FSHR: variants seen among roughly 807,000 people sequenced by gnomAD.
FSHR encodes the protein follicle-stimulating hormone receptor.
Under a neutral mutation model 52.1 loss-of-function variants are expected in FSHR, and 46 were observed. The ratio of observed to expected loss-of-function variants is 0.88; its 90% CI spans 0.70 to 1.13. The LOEUF is 1.13. Among genes scored for constraint, FSHR ranks in the 50% most tolerant of loss-of-function variants. FSHR has a pLI of 0.00. For missense variants in FSHR, 964 were observed against 834.6 expected, an observed-to-expected ratio of 1.16 and a Z score of -1.91; for synonymous variants, 399 against 309.6, an observed-to-expected ratio of 1.29 and a Z score of -3.03.
chr2:49,069,383 T>C (rs578222845), intron 1 of FSHR, among the ~76,000 whole-genome samples: 1 of 152,284 alleles, frequency 6.6e-6, no homozygotes, highest in South Asian at 2.1e-4. Flanking sequence ...ATGTTACCAT[T>C]TCAGTGAAGC....
At chr2:48,968,918 T>TGAGGGGAGGAGCC in intron 8 of FSHR, 35 bp from the exon 9 acceptor site, 1 of 1,595,532 alleles carries the variant, frequency 6.3e-7, no homozygotes, top group Non-Finnish European at 8.6e-7. Flanking sequence ...ACAGGATTAC[T>TGAGGGGAGGAGCC]ATGGACCTAA....
Position 48,963,726 on chromosome 2 carries a change from G to C in FSHR, c.1095C>G (p.Leu365=). 1 of 1,614,182 alleles carries C rather than the reference G, an allele frequency of 6.2e-7. No individual in the cohort carries two copies. Among genetic ancestry groups the C allele is most frequent in the Non-Finnish European group, 8.5e-7 (1 of 1,180,024 alleles). ...TGCTGATAAACCATATCAGGACTCT[G>C]AGGATGTTGTACCCCATGATATCTT... ...PCEDIMGYNI[L]RVLIWFISIL... The change falls in exon 10 of 10, where the codon CTC becomes CTG. Residue 365 remains leucine, a synonymous_variant. Coordinates refer to ENST00000406846, the MANE Select transcript of FSHR (RefSeq NM_000145.4).
intron 1 of FSHR, among the ~76,000 whole-genome samples, chr2:49,078,082 C>T (rs918489202): frequency 2.6e-5 from 4 of 152,304 alleles, no homozygotes; most frequent in East Asian, 1.9e-4. Context: ...TACAAATTTA[C>T]TGTTTTAGTC....
chr2:49,127,815 T>C (rs868249999), intron 1 of FSHR, among the ~76,000 whole-genome samples: 45 of 61,018 alleles, frequency 7.4e-4, no homozygotes, highest in African/African-American at 1.6e-3. Flanking sequence ...CTTCTTCTTC[T>C]TCTTCTTCTT....
intron 9 of FSHR, among the ~76,000 whole-genome samples, chr2:48,965,591 G>A (rs996508197): frequency 4.6e-5 from 7 of 152,144 alleles, no homozygotes; most frequent in African/African-American, 1.7e-4. Flanking sequence ...CTGATTCCAG[G>A]AAGAGAAAGT....
At chr2:49,129,376 A>T (rs1672180250) in intron 1 of FSHR, among the ~76,000 whole-genome samples, 1 of 152,156 alleles carries the variant, frequency 6.6e-6, no homozygotes, top group Non-Finnish European at 1.5e-5. Flanking sequence ...GATGACTTCC[A>T]TGTGCTCAGA....
chr2:49,036,928 T>G (rs1429783395), intron 2 of FSHR, among the ~76,000 whole-genome samples: 1 of 152,204 alleles, frequency 6.6e-6, no homozygotes, highest in East Asian at 1.9e-4. Flanking sequence ...TAACTCCATC[T>G]TCAACATGAT....
At chr2:48,964,533 G>A (rs779498131) in intron 9 of FSHR, among the ~76,000 whole-genome samples, 20 of 152,164 alleles carry the variant, frequency 1.3e-4, no homozygotes, top group Admixed American at 2.0e-4. Context: ...TGCCGGAAAT[G>A]TTACCAGGGT....
intron 1 of FSHR, among the ~76,000 whole-genome samples, chr2:49,105,614 A>T (rs1325205073): frequency 1.3e-5 from 2 of 152,186 alleles, no homozygotes; most frequent in Non-Finnish European, 2.9e-5. Context: ...GCTGATTCTC[A>T]TCAATGTGCC....
intron 1 of FSHR, among the ~76,000 whole-genome samples, chr2:49,084,743 A>G (rs1670311800): frequency 6.6e-6 from 1 of 152,260 alleles, no homozygotes; most frequent in Non-Finnish European, 1.5e-5. Flanking sequence ...TAGAAAATCT[A>G]GAAGAAATGG....
rs369843271 is a variant in FSHR, at chr2:49,013,955, T to C, written c.374+3534A>G. On this transcript the variant is annotated intron_variant, in intron 4 of 9. Coordinates refer to ENST00000406846, the MANE Select transcript of FSHR (RefSeq NM_000145.4). ...GGATCTCTCTTTCTCTCTGTGTATA[T>C]GCACCAAGGTAAGGCCATGTGCATA... Among the ~76,000 whole-genome samples, 10 of 152,060 alleles carry C rather than the reference T, an allele frequency of 6.6e-5. No homozygotes were observed. The East Asian group carries it at 7.7e-4, about 12-fold the overall frequency.
At chr2:48,991,283 T>C (rs773707674) in intron 4 of FSHR, among the ~76,000 whole-genome samples, 1 of 152,088 alleles carries the variant, frequency 6.6e-6, no homozygotes, top group Non-Finnish European at 1.5e-5. Context: ...CTGTGGGTAA[T>C]ATAGCTGATA....
At chr2:49,037,080 C>G (rs1228926257) in intron 2 of FSHR, among the ~76,000 whole-genome samples, 1 of 152,148 alleles carries the variant, frequency 6.6e-6, no homozygotes, top group African/African-American at 2.4e-5. Context: ...AGATGAACTA[C>G]TTGCATAAAG....
chr2:48,972,823 AG>A (rs1302770893), intron 8 of FSHR, among the ~76,000 whole-genome samples: 1 of 152,212 alleles, frequency 6.6e-6, no homozygotes, highest in African/African-American at 2.4e-5. Flanking sequence ...AATACAAAGC[AG>A]GTTATTTTTC....
At chr2:49,094,138 C>T (rs1356747444) in intron 1 of FSHR, among the ~76,000 whole-genome samples, 1 of 152,000 alleles carries the variant, frequency 6.6e-6, no homozygotes, top group African/African-American at 2.4e-5. Flanking sequence ...GACTACATAT[C>T]TTCAAATAAA....
Position 49,053,126 on chromosome 2 carries a change from T to C in FSHR, c.224+15093A>G, listed in dbSNP as rs189362136. 5.3e-5 allele frequency among the ~76,000 whole-genome samples: 8 copies of C among 152,330 alleles called. No individual in the cohort carries two copies. In the East Asian group the frequency reaches 1.5e-3, roughly 29 times the overall value. ...GCAAATAAATCACTTGATTATATTTTTTGTCCTTATGTTATCATGAATATT... is the reference window on the plus strand; with the variant it reads ...GCAAATAAATCACTTGATTATATTTCTTGTCCTTATGTTATCATGAATATT... On this transcript the variant is annotated intron_variant, in intron 2 of 9. Transcript: ENST00000406846.
At chr2:49,132,234 A>G (rs1672303279) in intron 1 of FSHR, among the ~76,000 whole-genome samples, 1 of 152,154 alleles carries the variant, frequency 6.6e-6, no homozygotes, top group Admixed American at 6.6e-5. Context: ...GGACTTTGAT[A>G]TAACTTTTGG....
intron 1 of FSHR, among the ~76,000 whole-genome samples, chr2:49,124,529 C>T (rs1156819301): frequency 6.6e-6 from 1 of 152,110 alleles, no homozygotes; most frequent in Non-Finnish European, 1.5e-5. Context: ...GTTCTTTTCT[C>T]AACCTGGGAA....
At chr2:48,991,467 T>C (rs1488926571) in intron 4 of FSHR, among the ~76,000 whole-genome samples, 5 of 152,154 alleles carry the variant, frequency 3.3e-5, no homozygotes. Flanking sequence ...GGGAAGGATG[T>C]GTCTGTAGAC....
Sources: gnomAD v4.1 joint callset for allele counts (sites outside exome capture counted in the v4.1 genomes callset) on GRCh38, gnomAD v4.1.1 for gene constraint, MANE v1.5 for transcripts, NCBI Gene and HGNC (gene_info 2026-07-23, HGNC 2026-07-21) for gene names.